The following GCNT1 variants were observed in gnomAD, a reference collection of about 807,000 sequenced individuals.
The protein encoded by GCNT1 is glucosaminyl (N-acetyl) transferase 1.
Under a neutral mutation model 26.2 loss-of-function variants are expected in GCNT1, and 16 were observed. The observed-to-expected ratio is 0.61, with a 90% confidence interval of 0.41 to 0.93. The LOEUF (loss-of-function observed/expected upper bound fraction) is 0.93. Ranked by LOEUF, GCNT1 falls within the 40% of genes least tolerant of loss-of-function variation. GCNT1 has a pLI of 0.00. For missense variants in GCNT1, 477 were observed against 526.7 expected, an observed-to-expected ratio of 0.91 and a Z score of 0.92; for synonymous variants, 183 against 190.8, an observed-to-expected ratio of 0.96 and a Z score of 0.34.
the GCNT1 span, among the ~76,000 whole-genome samples, chr9:76,403,702 A>G: frequency 6.6e-6 from 1 of 152,226 alleles, no homozygotes; most frequent in African/African-American, 2.4e-5. Context: ...TTCTTCCTCA[A>G]TCACAAAAGA....
At chr9:76,459,412 C>T (rs955682538) in intron 1 of GCNT1, 107 bp downstream of exon 1, 3 of 152,266 alleles carry the variant, frequency 2.0e-5, no homozygotes, top group Admixed American at 2.0e-4. Context: ...CCCGTGGCCC[C>T]GGGCGGGCTG....
intron 2 of GCNT1, among the ~76,000 whole-genome samples, chr9:76,494,210 G>C (rs1487028195): frequency 6.6e-6 from 1 of 152,154 alleles, no homozygotes; most frequent in African/African-American, 2.4e-5. Flanking sequence ...AGTGGCCCTT[G>C]CTGACGCATT....
intron 2 of GCNT1, among the ~76,000 whole-genome samples, chr9:76,469,996 AG>A (rs1200410785): frequency 2.0e-5 from 3 of 152,172 alleles, no homozygotes; most frequent in Non-Finnish European, 4.4e-5. Context: ...TAACAGTAGT[AG>A]ATACATAGAA....
chr9:76,454,553 A>G (rs1347636671), upstream of GCNT1, among the ~76,000 whole-genome samples: 1 of 142,054 alleles, frequency 7.0e-6, no homozygotes, highest in Non-Finnish European at 1.5e-5. Flanking sequence ...CCCAAACCCC[A>G]CCCAAATCTC....
At chr9:76,431,778 A>G (rs1587407711) in intron 1 of GCNT1, among the ~76,000 whole-genome samples, 1 of 152,132 alleles carries the variant, frequency 6.6e-6, no homozygotes, top group African/African-American at 2.4e-5. Flanking sequence ...AGAGCCTGCC[A>G]TTAATACCTC....
At chr9:76,409,593 G>T in the GCNT1 span, among the ~76,000 whole-genome samples, 1 of 151,858 alleles carries the variant, frequency 6.6e-6, no homozygotes, top group Non-Finnish European at 1.5e-5. Flanking sequence ...TTACAGGCGG[G>T]TGCCACCATG....
At chr9:76,482,019 C>T (rs1165164660) in intron 2 of GCNT1, among the ~76,000 whole-genome samples, 2 of 152,094 alleles carry the variant, frequency 1.3e-5, no homozygotes, top group Non-Finnish European at 2.9e-5. Flanking sequence ...GTAACATTGT[C>T]TTTATTATAT....
the GCNT1 span, among the ~76,000 whole-genome samples, chr9:76,413,336 A>G: frequency 2.0e-5 from 3 of 152,202 alleles, no homozygotes; most frequent in African/African-American, 7.2e-5. Context: ...ACACTTAGAC[A>G]TCCAGCTGTT....
the GCNT1 span, chr9:76,394,151 G>T: frequency 6.2e-7 from 1 of 1,608,640 alleles, no homozygotes; most frequent in South Asian, 1.1e-5. Flanking sequence ...GACCCCGGCA[G>T]AAGTAAGGCA....
At chr9:76,465,597 A>G (rs1823976571) in intron 2 of GCNT1, among the ~76,000 whole-genome samples, 1 of 152,258 alleles carries the variant, frequency 6.6e-6, no homozygotes, top group Admixed American at 6.5e-5. Flanking sequence ...AAAAGGCTTC[A>G]GCCCCCTGAG....
At chr9:76,495,830 A>G (rs1457977228) in intron 2 of GCNT1, among the ~76,000 whole-genome samples, 3 of 152,188 alleles carry the variant, frequency 2.0e-5, no homozygotes, top group Non-Finnish European at 2.9e-5. Context: ...TTCAGAAAAT[A>G]TATTGTGCCT....
intron 2 of GCNT1, among the ~76,000 whole-genome samples, chr9:76,460,476 G>A (rs1274204558): frequency 1.3e-5 from 2 of 152,174 alleles, no homozygotes; most frequent in Non-Finnish European, 2.9e-5. Flanking sequence ...AGGCCGGTTT[G>A]TTTTATAGAG....
In GCNT1 at chr9:76,504,704, T is replaced by C. The variant is rs371186893; in HGVS notation, c.*1036T>C. On this transcript the variant is annotated 3_prime_UTR_variant, in exon 4 of 4. Coordinates refer to ENST00000376730, the MANE Select transcript of GCNT1 (RefSeq NM_001490.5). ...AAGGCTGTCGCTTATTGAATCCACT[T>C]GTGTCCAACCTCCCAGGATTGTTTT... is the stretch of plus-strand genomic sequence containing the variant. 2.4e-6 allele frequency: 1 copy of C among 413,392 alleles called. No individual in the cohort carries two copies. 25.6% of individuals were successfully genotyped at this position (413,392 alleles called of 1,614,324 possible).
the GCNT1 span, among the ~76,000 whole-genome samples, chr9:76,408,875 G>A: frequency 3.3e-5 from 5 of 152,028 alleles, no homozygotes; most frequent in Non-Finnish European, 7.4e-5. Context: ...TTTTAGTAGA[G>A]ACGGGGTTTC....
chr9:76,404,975 G>A, the GCNT1 span, among the ~76,000 whole-genome samples: 1 of 151,644 alleles, frequency 6.6e-6, no homozygotes, highest in Admixed American at 6.6e-5. Flanking sequence ...ACACCACCAT[G>A]CCTGGCTAAT....
chr9:76,439,223 C>CTTTTTTTTTTTTTTTTTTTTTTTTTTTT (rs71499153), upstream of GCNT1, among the ~76,000 whole-genome samples: 1 of 120,128 alleles, frequency 8.3e-6, no homozygotes, highest in Admixed American at 9.1e-5. Flanking sequence ...TTTTCTTTTT[C>CTTTTTTTTTTTTTTTTTTTTTTTTTTTT]TTTTTTTTTT....
chr9:76,484,994 G>T (rs150237391), intron 2 of GCNT1, among the ~76,000 whole-genome samples: 1 of 151,808 alleles, frequency 6.6e-6, no homozygotes, highest in Non-Finnish European at 1.5e-5. Flanking sequence ...TCACCATGTT[G>T]GCCAGGCTTG....
the GCNT1 span, chr9:76,394,211 C>T: frequency 1.3e-6 from 2 of 1,549,482 alleles, no homozygotes; most frequent in Non-Finnish European, 8.7e-7. Context: ...GCCCGGTCTG[C>T]GCGTCCTGCG....
rs756003090 is a variant in GCNT1, at chr9:76,502,456, C to T, written c.75C>T (p.Ser25=). The T allele has an allele frequency of 8.1e-6, 13 of 1,613,368 alleles. No individual in the cohort carries two copies. Among genetic ancestry groups the T allele is most frequent in the East Asian group, 6.7e-5 (3 of 44,880 alleles). Residue 25 remains serine, a synonymous_variant, in exon 4 of 4, where the codon TCC becomes TCT. Coordinates refer to ENST00000376730, the MANE Select transcript of GCNT1 (RefSeq NM_001490.5). ...TKYYFMVLVL[S]LITFSVLRIH... ...ACTACTTTATGGTTCTTGTTTTATC[C>T]CTAATCACCTTCTCCGTTTTAAGGA...
Sources: allele counts gnomAD v4.1 joint callset (sites outside exome capture counted in the v4.1 genomes callset), GRCh38; gene constraint gnomAD v4.1.1; transcripts MANE v1.5; gene names NCBI Gene and HGNC (gene_info 2026-07-23, HGNC 2026-07-21).